TMEM217: variants seen among roughly 807,000 people sequenced by gnomAD.
The protein encoded by TMEM217 is chromosome 6 open reading frame 128.
For missense variants in TMEM217, 204 were observed against 248.8 expected (o/e 0.82, Z 1.21); for synonymous variants, 76 against 88.3 (o/e 0.86, Z 0.78).
chr6:37,239,891 TAAAA>T, intron 1 of TMEM217, among the ~76,000 whole-genome samples: 1 of 133,764 alleles, frequency 7.5e-6, no homozygotes, highest in South Asian at 2.4e-4. Flanking sequence ...CCCAGCTCAT[TAAAA>T]AAAAAAAAAA....
In TMEM217 at chr6:37,242,418, A is replaced by G. The variant is rs575545885; in HGVS notation, c.-12+15150T>C. 1.7e-3 allele frequency among the ~76,000 whole-genome samples: 254 copies of G among 152,332 alleles called. 2 individuals are homozygous for G. Among genetic ancestry groups the G allele is most frequent in the Non-Finnish European group, 2.6e-3 (179 of 68,028 alleles). ...CACTCCCTACTCATCCATATCATCT[A>G]GATCTTTTCTTTGCCTTTAAGAGCC... On this transcript the variant is annotated intron_variant, in intron 1 of 1. Coordinates refer to ENST00000357219, the Ensembl canonical transcript of TMEM217.
chr6:37,225,349 G>A (rs1158301663), intron 1 of TMEM217, among the ~76,000 whole-genome samples: 1 of 151,996 alleles, frequency 6.6e-6, no homozygotes, highest in African/African-American at 2.4e-5. Context: ...TTGAATGAGA[G>A]ATTCACAAGT....
chr6:37,215,370 T>G (rs1583423768), downstream of TMEM217: 4 of 1,452,778 alleles, frequency 2.8e-6, no homozygotes, highest in Non-Finnish European at 3.7e-6. Flanking sequence ...AGGTCAGGAG[T>G]TCAAGACCAG....
chr6:37,236,023 GATAA>G (rs940845767), intron 1 of TMEM217, among the ~76,000 whole-genome samples: 3 of 152,176 alleles, frequency 2.0e-5, no homozygotes, highest in African/African-American at 7.2e-5. Flanking sequence ...AATAAAGCTA[GATAA>G]ATAAAAAATC....
downstream of TMEM217, chr6:37,215,310 A>C: frequency 6.2e-7 from 1 of 1,608,186 alleles, no homozygotes; most frequent in Non-Finnish European, 8.5e-7. Context: ...CAAATGAATA[A>C]AAATTGTTTT....
intron 1 of TMEM217, among the ~76,000 whole-genome samples, chr6:37,242,397 C>T (rs1764813282): frequency 1.3e-5 from 2 of 152,230 alleles, no homozygotes; most frequent in Non-Finnish European, 2.9e-5. Flanking sequence ...AATCAGCACT[C>T]CCTACTCATC....
chr6:37,216,203 C>T (rs1473604477), downstream of TMEM217, among the ~76,000 whole-genome samples: 1 of 152,004 alleles, frequency 6.6e-6, no homozygotes. Flanking sequence ...CTCAGCCTCC[C>T]GAGTAGCTGG....
intron 1 of TMEM217, 47 bp from the exon 2 acceptor site, chr6:37,219,088 T>A: frequency 1.3e-6 from 2 of 1,521,568 alleles, no homozygotes; most frequent in South Asian, 1.2e-5. Context: ...CCTGCCAACA[T>A]GGTAAATTAC....
rs577481974 is a variant in TMEM217 at position 37,253,197 on chromosome 6, T to C, written c.-12+4371A>G. Among the ~76,000 whole-genome samples, 8 of 152,338 alleles carry C rather than the reference T, an allele frequency of 5.3e-5. No homozygotes were observed. In the East Asian group the frequency reaches 1.5e-3, roughly 29 times the overall value. On this transcript the variant is annotated intron_variant, in intron 1 of 1. Coordinates refer to ENST00000357219, the Ensembl canonical transcript of TMEM217. ...ATTTGCCCTCTTTAATGGTATAACA[T>C]GGTTCAAGTTTATAAACTGCACACC...
chr6:37,252,233 G>A (rs1016604223), intron 1 of TMEM217, among the ~76,000 whole-genome samples: 12 of 152,080 alleles, frequency 7.9e-5, no homozygotes, highest in African/African-American at 2.9e-4. Context: ...CTTGAAAGAA[G>A]AATAATATTC....
At chr6:37,213,127 G>T, downstream of TMEM217, 1 of 664,338 alleles carries the variant, frequency 1.5e-6, no homozygotes, top group Non-Finnish European at 2.6e-6. Context: ...TAGGCTGGAA[G>T]TTAAGGGACA....
At chr6:37,229,343 T>TTTTTTG (rs1764048991) in intron 1 of TMEM217, among the ~76,000 whole-genome samples, 1 of 126,590 alleles carries the variant, frequency 7.9e-6, no homozygotes, top group Non-Finnish European at 1.7e-5. Flanking sequence ...CAGTTTTTTT[T>TTTTTTG]TTTTTTTTTT....
intron 1 of TMEM217, among the ~76,000 whole-genome samples, chr6:37,248,391 C>T (rs1259693968): frequency 3.3e-5 from 5 of 152,172 alleles, no homozygotes; most frequent in African/African-American, 4.8e-5. Flanking sequence ...GAATTGAGGT[C>T]AACCTGAGGC....
intron 1 of TMEM217, among the ~76,000 whole-genome samples, chr6:37,255,645 C>T (rs1231205181): frequency 1.3e-5 from 2 of 150,620 alleles, no homozygotes; most frequent in Non-Finnish European, 2.9e-5. Context: ...GATCATGTCA[C>T]TGGACTCCAG....
chr6:37,245,686 G>GAGGAGGAGC, intron 1 of TMEM217, among the ~76,000 whole-genome samples: 1 of 152,308 alleles, frequency 6.6e-6, no homozygotes, highest in Non-Finnish European at 1.5e-5. Flanking sequence ...CAATAAGGAA[G>GAGGAGGAGC]AGGAGGAGCA....
At position 37,252,637 on chromosome 6, in the gene TMEM217, A is replaced by ATTTTT. The variant is rs374265453; in HGVS notation, c.-12+4926_-12+4930dup. ...TGTGTGTATATATATATATATATAT[A>ATTTTT]TTTTTTTTTTTTTTTTTTTTTTGAC... On this transcript the variant is annotated intron_variant, in intron 1 of 1. Transcript: ENST00000357219. 4.3e-4 allele frequency among the ~76,000 whole-genome samples: 31 copies of ATTTTT among 71,354 alleles called. 1 individual carries two copies. Among genetic ancestry groups the ATTTTT allele is most frequent in the African/African-American group, 1.4e-3 (26 of 19,124 alleles). 46.8% of individuals were successfully genotyped at this position (71,354 alleles called of 152,430 possible). A position where few individuals can be genotyped will look rare whatever the true frequency, so the allele number is the denominator to read the frequency against.
chr6:37,215,706 G>A (rs1763167270), downstream of TMEM217, among the ~76,000 whole-genome samples: 1 of 152,054 alleles, frequency 6.6e-6, no homozygotes, highest in South Asian at 2.1e-4. Flanking sequence ...AAAATCATTG[G>A]ATGAGAATCA....
At chr6:37,257,732 C>T in exon 1 of TMEM217, 1 of 614,294 alleles carries the variant, frequency 1.6e-6, no homozygotes. Flanking sequence ...ACGGCTTGCG[C>T]AGCTCACCAA....
intron 1 of TMEM217, among the ~76,000 whole-genome samples, chr6:37,228,921 T>A (rs1312874244): frequency 6.6e-6 from 1 of 151,406 alleles, no homozygotes; most frequent in Non-Finnish European, 1.5e-5. Flanking sequence ...GGCGTGAACC[T>A]GGGAGGTGGA....
Sources: gnomAD v4.1 joint callset for allele counts (sites outside exome capture counted in the v4.1 genomes callset) on GRCh38, gnomAD v4.1.1 for gene constraint, MANE v1.5 for transcripts, NCBI Gene and HGNC (gene_info 2026-07-23, HGNC 2026-07-21) for gene names.